The following GRID1 variants were observed in gnomAD, a reference collection of about 807,000 sequenced individuals.
GRID1 encodes glutamate ionotropic receptor delta type subunit 1.
GRID1 carries 28 observed loss-of-function variants against 98.0 expected under a neutral mutation model. The observed-to-expected ratio is 0.29, with a 90% CI of 0.21 to 0.39. The LOEUF is 0.39. Among genes scored for constraint, GRID1 ranks in the 10% least tolerant of loss-of-function variants. GRID1 has a pLI of 1.00. For synonymous variants in GRID1, 553 were observed against 538.5 expected, an observed-to-expected ratio of 1.03 and a Z score of -0.37; for missense variants, 1,111 against 1,340.5, an observed-to-expected ratio of 0.83 and a Z score of 2.67.
rs1324898753 is a variant in GRID1, at chr10:85,807,039, T to C, written c.1233+47457A>G. Among the ~76,000 whole-genome samples, 11 of 152,168 alleles carry C rather than the reference T, an allele frequency of 7.2e-5. No homozygotes were observed. The East Asian group carries it at 1.9e-3, about 27-fold the overall frequency. The stretch of plus-strand genomic sequence containing the variant: ...TTTAAAAGTAAAAAAAAAATCTTGG[T>C]TTATTAACTGTAAAGAAAAATAATC... On this transcript the variant is annotated intron_variant, in intron 8 of 15. Transcript: ENST00000327946.
intron 12 of GRID1, among the ~76,000 whole-genome samples, chr10:85,660,850 CAG>C (rs1359567456): frequency 2.0e-5 from 3 of 152,094 alleles, no homozygotes; most frequent in East Asian, 1.9e-4. Context: ...GCAATGGAGT[CAG>C]AGTGTGCTTT....
rs553390301 is a variant in GRID1, at chr10:85,711,752, T to C, written c.1997+11251A>G. Among the ~76,000 whole-genome samples the C allele has an allele frequency of 2.6e-5, 4 of 151,892 alleles. No homozygotes were observed. In the East Asian group the frequency reaches 7.7e-4, roughly 29 times the overall value. ...ATTCAACAAGTAAAAAAATAACAAA[T>C]TTAAAACTAAATATAGAAGATTATC... On this transcript the variant is annotated intron_variant, in intron 12 of 15. Coordinates refer to ENST00000327946, the MANE Select transcript of GRID1 (RefSeq NM_017551.3).
chr10:85,998,038 T>C (rs916216739), intron 4 of GRID1, among the ~76,000 whole-genome samples: 37 of 152,230 alleles, frequency 2.4e-4, no homozygotes, highest in African/African-American at 8.7e-4. Context: ...GACAAATAAA[T>C]GCATAATTTT....
chr10:85,686,042 T>G (rs1157066601), intron 12 of GRID1, among the ~76,000 whole-genome samples: 1 of 152,130 alleles, frequency 6.6e-6, no homozygotes, highest in African/African-American at 2.4e-5. Flanking sequence ...TTGATCTTGT[T>G]TATGTGAAAT....
chr10:85,658,429 A>G (rs1036515412), intron 12 of GRID1, among the ~76,000 whole-genome samples: 3 of 152,228 alleles, frequency 2.0e-5, no homozygotes, highest in Non-Finnish European at 4.4e-5. Context: ...AGATTAAAAA[A>G]TCAAGGCTTC....
At chr10:85,984,923 A>G (rs1842590950) in intron 4 of GRID1, among the ~76,000 whole-genome samples, 1 of 152,118 alleles carries the variant, frequency 6.6e-6, no homozygotes, top group South Asian at 2.1e-4. Context: ...TTGGGTGCCA[A>G]GCGCTAGGTG....
chr10:85,866,115 A>G (rs567732802), intron 6 of GRID1, among the ~76,000 whole-genome samples: 1 of 150,702 alleles, frequency 6.6e-6, no homozygotes, highest in East Asian at 2.0e-4. Context: ...AAAGAACTAC[A>G]TGAGCCTAAA....
intron 5 of GRID1, among the ~76,000 whole-genome samples, chr10:85,896,242 A>T (rs1841292571): frequency 6.6e-6 from 1 of 152,166 alleles, no homozygotes; most frequent in African/African-American, 2.4e-5. Flanking sequence ...CCAAGTTTTG[A>T]TTCAGCTATT....
At chr10:85,716,399 C>T (rs776130918) in intron 12 of GRID1, among the ~76,000 whole-genome samples, 15 of 151,768 alleles carry the variant, frequency 9.9e-5, no homozygotes, top group Non-Finnish European at 1.8e-4. Flanking sequence ...CATCACACAC[C>T]GGGGACTGTT....
intron 4 of GRID1, among the ~76,000 whole-genome samples, chr10:85,966,675 A>G (rs993852181): frequency 1.3e-5 from 2 of 152,090 alleles, no homozygotes; most frequent in Non-Finnish European, 2.9e-5. Flanking sequence ...TTAGCTGGAC[A>G]TGGTGGTGTG....
chr10:85,860,272 C>T (rs1488649915), intron 6 of GRID1, among the ~76,000 whole-genome samples: 1 of 152,200 alleles, frequency 6.6e-6, no homozygotes, highest in Non-Finnish European at 1.5e-5. Context: ...CAAGCAGGAG[C>T]CCAGGGCTCT....
chr10:85,601,257 G>C lies in GRID1; in HGVS notation c.*1016C>G, dbSNP rs1842570966. On this transcript the variant is annotated 3_prime_UTR_variant, in exon 16 of 16. Transcript: ENST00000327946. ...TGACACCACAAAGCTTCTACTCCCTGCATCTATGGCCTCACTTCCTTCTCT... is the reference window on the plus strand; with the variant it reads ...TGACACCACAAAGCTTCTACTCCCTCCATCTATGGCCTCACTTCCTTCTCT... 6.6e-6 allele frequency: 1 copy of C among 152,504 alleles called. No individual in the cohort carries two copies. The allele number at this position is 152,504 out of a possible 1,614,324, so 9.4% of individuals were successfully genotyped here. A position where few individuals can be genotyped will look rare whatever the true frequency, so the allele number is the denominator to read the frequency against.
chr10:86,196,327 A>G (rs1020960346), intron 3 of GRID1, among the ~76,000 whole-genome samples: 4 of 152,028 alleles, frequency 2.6e-5, no homozygotes, highest in Admixed American at 6.6e-5. Context: ...CCTTGTACCC[A>G]GCATTGTCCT....
intron 8 of GRID1, among the ~76,000 whole-genome samples, chr10:85,732,171 C>A (rs959115154): frequency 6.6e-6 from 1 of 152,172 alleles, no homozygotes; most frequent in African/African-American, 2.4e-5. Flanking sequence ...CCCATAACTG[C>A]TTAGCCCAGG....
At chr10:86,262,929 G>C (rs532794629) in intron 2 of GRID1, among the ~76,000 whole-genome samples, 12 of 151,496 alleles carry the variant, frequency 7.9e-5, no homozygotes, top group African/African-American at 1.9e-4. Context: ...GGCCGGCATC[G>C]CCCGCCCTCC....
chr10:86,301,869 C>T (rs1000350484), intron 2 of GRID1, among the ~76,000 whole-genome samples: 1 of 152,234 alleles, frequency 6.6e-6, no homozygotes, highest in African/African-American at 2.4e-5. Context: ...CTTTCTGATT[C>T]AACAGATCAA....
intron 13 of GRID1, among the ~76,000 whole-genome samples, chr10:85,645,261 G>A (rs1163948754): frequency 6.6e-6 from 1 of 152,096 alleles, no homozygotes; most frequent in Non-Finnish European, 1.5e-5. Flanking sequence ...AGAAAGCCAG[G>A]AAAGGGAACG....
chr10:86,053,910 A>G (rs1843538933), intron 4 of GRID1, among the ~76,000 whole-genome samples: 1 of 152,190 alleles, frequency 6.6e-6, no homozygotes, highest in South Asian at 2.1e-4. Context: ...ACGTTTACAC[A>G]CATACACAAG....
At chr10:86,086,583 G>A (rs1333228182) in intron 4 of GRID1, among the ~76,000 whole-genome samples, 1 of 152,172 alleles carries the variant, frequency 6.6e-6, no homozygotes. Flanking sequence ...GGGGTTATAA[G>A]CAAATGAAAC....
Sources: allele counts gnomAD v4.1 joint callset (sites outside exome capture counted in the v4.1 genomes callset), GRCh38; gene constraint gnomAD v4.1.1; transcripts MANE v1.5; gene names NCBI Gene and HGNC (gene_info 2026-07-23, HGNC 2026-07-21).